The following GRIN2B variants were observed in gnomAD, a reference collection of about 807,000 sequenced individuals.
The protein encoded by GRIN2B is glutamate receptor ionotropic, NMDA 2B.
GRIN2B carries 5 observed loss-of-function variants against 114.5 expected under a neutral mutation model. The ratio of observed to expected loss-of-function variants is 0.04; its 90% CI spans 0.02 to 0.09. GRIN2B has a LOEUF of 0.09. Ranked by LOEUF, GRIN2B falls within the 10% of genes least tolerant of loss-of-function variation. The pLI is 1.00. For synonymous variants in GRIN2B, 787 were observed against 745.1 expected, an observed-to-expected ratio of 1.06 and a Z score of -0.92; for missense variants, 1,108 against 1,943.5, an observed-to-expected ratio of 0.57 and a Z score of 8.08.
chr12:13,971,175 C>T (rs1455324131), intron 2 of GRIN2B, among the ~76,000 whole-genome samples: 6 of 152,208 alleles, frequency 3.9e-5, no homozygotes, highest in Non-Finnish European at 8.8e-5. Context: ...TAGTGCCTCA[C>T]ACCACCACAC....
At chr12:13,596,049 T>C (rs187004926) in intron 10 of GRIN2B, among the ~76,000 whole-genome samples, 1 of 151,962 alleles carries the variant, frequency 6.6e-6, no homozygotes. Flanking sequence ...AAAGGCTCAC[T>C]TCCCAGAGGT....
intron 5 of GRIN2B, among the ~76,000 whole-genome samples, chr12:13,621,780 G>C (rs1409481045): frequency 2.0e-5 from 3 of 151,948 alleles, no homozygotes; most frequent in African/African-American, 7.3e-5. Flanking sequence ...TGGCTCATAA[G>C]GCTTCCCGTA....
At chr12:13,895,855 C>A (rs1328577505) in intron 2 of GRIN2B, among the ~76,000 whole-genome samples, 1 of 151,986 alleles carries the variant, frequency 6.6e-6, no homozygotes, top group Admixed American at 6.6e-5. Flanking sequence ...TGTGTTGGCT[C>A]TTTTTTAAGA....
chr12:13,684,279 C>T (rs1414821810), intron 4 of GRIN2B, among the ~76,000 whole-genome samples: 1 of 152,128 alleles, frequency 6.6e-6, no homozygotes, highest in Non-Finnish European at 1.5e-5. Context: ...CTCCCAGATC[C>T]CTGCTTTGAA....
At chr12:13,583,966 A>G (rs1948885581) in intron 10 of GRIN2B, among the ~76,000 whole-genome samples, 1 of 152,166 alleles carries the variant, frequency 6.6e-6, no homozygotes, top group Non-Finnish European at 1.5e-5. Context: ...CTGGAAAACT[A>G]CTAAGAGCCT....
intron 9 of GRIN2B, among the ~76,000 whole-genome samples, chr12:13,609,219 T>A (rs1227658927): frequency 6.6e-6 from 1 of 152,196 alleles, no homozygotes; most frequent in Admixed American, 6.5e-5. Context: ...TGTCATTTTT[T>A]CCTAAATTTT....
At chr12:13,854,317 C>A (rs944362367) in intron 3 of GRIN2B, among the ~76,000 whole-genome samples, 1 of 152,144 alleles carries the variant, frequency 6.6e-6, no homozygotes, top group Non-Finnish European at 1.5e-5. Context: ...CGAGACCAGC[C>A]TGGCCAACAT....
At chr12:13,875,173 C>G (rs1261053530) in intron 2 of GRIN2B, among the ~76,000 whole-genome samples, 2 of 151,890 alleles carry the variant, frequency 1.3e-5, no homozygotes, top group Non-Finnish European at 2.9e-5. Context: ...ACCTATGTAA[C>G]AAACCTGCAC....
At chr12:13,746,708 T>C (rs1186161677) in intron 4 of GRIN2B, among the ~76,000 whole-genome samples, 1 of 151,870 alleles carries the variant, frequency 6.6e-6, no homozygotes, top group Non-Finnish European at 1.5e-5. Context: ...CAGTGGGAGG[T>C]GTTTGTGTCA....
chr12:13,775,934 C>T (rs768008036), intron 3 of GRIN2B, among the ~76,000 whole-genome samples: 2 of 152,086 alleles, frequency 1.3e-5, no homozygotes, highest in Non-Finnish European at 1.5e-5. Context: ...GAATATACAC[C>T]CAAAGGAATA....
At chr12:13,970,722 C>CAT (rs1464648440) in intron 2 of GRIN2B, among the ~76,000 whole-genome samples, 2 of 148,626 alleles carry the variant, frequency 1.3e-5, no homozygotes, top group East Asian at 1.9e-4. Flanking sequence ...CACACACACA[C>CAT]ACATCCAGTA....
intron 2 of GRIN2B, among the ~76,000 whole-genome samples, chr12:13,909,127 T>A (rs1044051044): frequency 6.6e-6 from 1 of 152,152 alleles, no homozygotes; most frequent in Non-Finnish European, 1.5e-5. Flanking sequence ...CCAATGATCC[T>A]CGGACAGCAC....
At chr12:13,934,145 G>A (rs1318174638) in intron 2 of GRIN2B, among the ~76,000 whole-genome samples, 1 of 152,132 alleles carries the variant, frequency 6.6e-6, no homozygotes, top group Non-Finnish European at 1.5e-5. Flanking sequence ...GCTAATCTTG[G>A]CAGCTGATTT....
chr12:13,902,153 T>A (rs944246261), intron 2 of GRIN2B, among the ~76,000 whole-genome samples: 1 of 152,180 alleles, frequency 6.6e-6, no homozygotes, highest in African/African-American at 2.4e-5. Flanking sequence ...GTTAATGTAA[T>A]GTAAAATAAA....
chr12:13,662,054 C>T (rs1027041936), intron 5 of GRIN2B, among the ~76,000 whole-genome samples: 1 of 152,098 alleles, frequency 6.6e-6, no homozygotes, highest in Non-Finnish European at 1.5e-5. Context: ...CAAAAGATGC[C>T]ATGCTCACTT....
intron 4 of GRIN2B, among the ~76,000 whole-genome samples, chr12:13,711,491 C>T (rs1950413691): frequency 6.6e-6 from 1 of 151,960 alleles, no homozygotes; most frequent in African/African-American, 2.4e-5. Flanking sequence ...TGACAAAGGG[C>T]TAATATCCAG....
rs1170105955 is a variant in GRIN2B at position 13,564,164 on chromosome 12, ATGT to A, written c.3071_3073del (p.Asp1024_Ile1025delinsVal). The A allele has an allele frequency of 6.2e-7, 1 of 1,613,968 alleles. No individual in the cohort carries two copies. The highest frequency in any genetic ancestry group is 8.5e-7 in the Non-Finnish European group (1 of 1,180,008). On this transcript the variant is annotated inframe_deletion, in exon 14 of 14. Coordinates refer to ENST00000609686, the MANE Select transcript of GRIN2B (RefSeq NM_000834.5). The surrounding 1 kb of genome is among the most constrained non-coding windows in gnomAD (Gnocchi z 4.8). ...GCTGTGCTTGGAGGAGGGGAGGCCG[ATGT>A]CCAGGGGCTTCTTGCTGATGGACCT...
intron 10 of GRIN2B, among the ~76,000 whole-genome samples, chr12:13,599,605 TC>T (rs1234458762): frequency 5.3e-5 from 8 of 152,168 alleles, no homozygotes; most frequent in African/African-American, 1.9e-4. Context: ...AGATTAGCCC[TC>T]CCCGTACTAA....
At chr12:13,809,081 G>T (rs544069353) in intron 3 of GRIN2B, among the ~76,000 whole-genome samples, 1 of 152,266 alleles carries the variant, frequency 6.6e-6, no homozygotes, top group Non-Finnish European at 1.5e-5. Flanking sequence ...GGCCTGTCCT[G>T]TGCATTGTAA....
Sources: gnomAD v4.1 joint callset for allele counts (sites outside exome capture counted in the v4.1 genomes callset) on GRCh38, gnomAD v4.1.1 for gene constraint, Gnocchi (gnomAD v3.1) non-coding constraint, MANE v1.5 for transcripts, NCBI Gene and HGNC (gene_info 2026-07-23, HGNC 2026-07-21) for gene names.